RORA: variants seen among roughly 807,000 people sequenced by gnomAD.
RORA encodes the protein nuclear receptor ROR-alpha.
A neutral mutation model predicts 69.5 loss-of-function variants in RORA; 7 were observed. The ratio of observed to expected loss-of-function variants is 0.10; its 90% CI spans 0.06 to 0.19. RORA has a LOEUF of 0.19. RORA is among the 10% of genes least tolerant of loss of function. RORA has a pLI of 1.00. For missense variants in RORA, 457 were observed against 663.0 expected, an observed-to-expected ratio of 0.69 and a Z score of 3.41; for synonymous variants, 261 against 240.8, an observed-to-expected ratio of 1.08 and a Z score of -0.78.
At chr15:61,056,644 C>G (rs1434049847) in intron 1 of RORA, among the ~76,000 whole-genome samples, 4 of 152,040 alleles carry the variant, frequency 2.6e-5, no homozygotes, top group Non-Finnish European at 2.9e-5. Context: ...TTCTAGAAAT[C>G]AAAACAAATA....
At chr15:60,760,120 G>C (rs1283510696) in intron 1 of RORA, among the ~76,000 whole-genome samples, 2 of 151,748 alleles carry the variant, frequency 1.3e-5, no homozygotes, top group Non-Finnish European at 2.9e-5. Context: ...TACTTCATTA[G>C]AAGCTCTCTG....
intron 1 of RORA, among the ~76,000 whole-genome samples, chr15:60,907,639 A>G (rs1891583245): frequency 1.3e-5 from 2 of 152,140 alleles, no homozygotes; most frequent in Non-Finnish European, 1.5e-5. Context: ...GGACTCAGGC[A>G]CCCATGTTGT....
intron 2 of RORA, among the ~76,000 whole-genome samples, chr15:60,569,240 G>A (rs2067806968): frequency 7.1e-6 from 1 of 141,812 alleles, no homozygotes; most frequent in Admixed American, 7.4e-5. Context: ...CACATGGAGA[G>A]ACTCCATCTC....
At chr15:60,636,710 A>G (rs1441818014) in intron 2 of RORA, among the ~76,000 whole-genome samples, 1 of 152,218 alleles carries the variant, frequency 6.6e-6, no homozygotes, top group Admixed American at 6.5e-5. Flanking sequence ...AAAGAAGCCT[A>G]CAAAATATCA....
At chr15:60,979,889 C>A (rs1055998448) in intron 1 of RORA, among the ~76,000 whole-genome samples, 2 of 152,028 alleles carry the variant, frequency 1.3e-5, no homozygotes, top group African/African-American at 4.8e-5. Context: ...CATCTAATTG[C>A]CCTGGCTAAA....
At chr15:60,996,882 C>A (rs1376019062) in intron 1 of RORA, among the ~76,000 whole-genome samples, 1 of 151,588 alleles carries the variant, frequency 6.6e-6, no homozygotes, top group Non-Finnish European at 1.5e-5. Flanking sequence ...TGCACTCCAG[C>A]CTGGGAGACA....
chr15:61,060,242 C>T lies in RORA; in HGVS notation c.166+168811G>A, dbSNP rs139781931. ...TTCACACTTCTCAGGATCTCCACCA[C>T]GCCTAGTATCCTGCTGGGCCAAAGT... On this transcript the variant is annotated intron_variant, in intron 1 of 10. Coordinates refer to ENST00000335670, the MANE Select transcript of RORA (RefSeq NM_134261.3). Among the ~76,000 whole-genome samples, 1,150 of 152,332 alleles carry T rather than the reference C, an allele frequency of 7.5e-3. 8 individuals are homozygous for T. Among genetic ancestry groups the T allele is most frequent in the Admixed American group, 9.3e-3 (142 of 15,304 alleles).
chr15:61,012,220 A>G (rs1300999099), intron 1 of RORA, among the ~76,000 whole-genome samples: 1 of 152,266 alleles, frequency 6.6e-6, no homozygotes, highest in Non-Finnish European at 1.5e-5. Context: ...AATTAATTCA[A>G]GCATAGCATG....
chr15:61,151,565 C>T (rs1335533806), intron 1 of RORA, among the ~76,000 whole-genome samples: 6 of 152,194 alleles, frequency 3.9e-5, no homozygotes, highest in African/African-American at 1.4e-4. Flanking sequence ...CATTATAAAT[C>T]ATCTCATGAT....
intron 1 of RORA, among the ~76,000 whole-genome samples, chr15:61,181,972 T>C (rs1051347866): frequency 5.9e-5 from 9 of 152,234 alleles, no homozygotes; most frequent in Non-Finnish European, 1.3e-4. Flanking sequence ...GTATACCCTT[T>C]TGTGAGACTT....
At chr15:61,170,003 T>C (rs1408920553) in intron 1 of RORA, among the ~76,000 whole-genome samples, 1 of 152,176 alleles carries the variant, frequency 6.6e-6, no homozygotes, top group African/African-American at 2.4e-5. Flanking sequence ...TAAGCGTGTG[T>C]ACTAGAATTG....
intron 1 of RORA, among the ~76,000 whole-genome samples, chr15:60,717,796 CTTTTTTTTT>C: frequency 1.1e-5 from 1 of 91,994 alleles, no homozygotes; most frequent in East Asian, 3.9e-4. Context: ...TTCTTTTTCT[CTTTTTTTTT>C]TTTTTTTTTT....
chr15:60,963,799 G>C (rs534445052), intron 1 of RORA, among the ~76,000 whole-genome samples: 14 of 152,208 alleles, frequency 9.2e-5, no homozygotes, highest in Non-Finnish European at 1.9e-4. Context: ...TGGCTAACAT[G>C]AACAAGCTCA....
chr15:60,614,841 A>C, intron 2 of RORA: 1 of 1,418,844 alleles, frequency 7.0e-7, no homozygotes, highest in Non-Finnish European at 9.9e-7. Flanking sequence ...AGACACTGAC[A>C]TGCTTACATA....
chr15:60,816,734 TA>T (rs914977761), intron 1 of RORA, among the ~76,000 whole-genome samples: 12 of 129,478 alleles, frequency 9.3e-5, no homozygotes, highest in East Asian at 2.5e-4. Context: ...TAAAGTATAA[TA>T]AAAAAAATAA....
At chr15:60,812,525 C>A (rs1291990558) in intron 1 of RORA, among the ~76,000 whole-genome samples, 1 of 152,000 alleles carries the variant, frequency 6.6e-6, no homozygotes, top group Non-Finnish European at 1.5e-5. Flanking sequence ...ATAAATAAAT[C>A]AATAAATAAA....
At chr15:60,954,208 C>T (rs1316116881) in intron 1 of RORA, among the ~76,000 whole-genome samples, 152 of 139,156 alleles carry the variant, frequency 1.1e-3, no homozygotes, top group African/African-American at 4.0e-3. Flanking sequence ...AACCAAACAC[C>T]GCATATTCTC....
intron 2 of RORA, among the ~76,000 whole-genome samples, chr15:60,533,179 C>T (rs2066577756): frequency 6.6e-6 from 1 of 152,214 alleles, no homozygotes; most frequent in African/African-American, 2.4e-5. Context: ...GGGCCTAATA[C>T]AAGTACTGTG....
At position 61,128,204 on chromosome 15, in the gene RORA, C is replaced by T. The variant is rs1001670891; in HGVS notation, c.166+100849G>A. Among the ~76,000 whole-genome samples, 4 of 150,028 alleles carry T rather than the reference C, an allele frequency of 2.7e-5. No homozygotes were observed. The highest frequency in any genetic ancestry group is 2.0e-4 in the East Asian group (1 of 5,114). ...TAATTGCTGTGTGTGTGTATGCACACGTGTGTGTGTGTGTGTGTGTCTGTG... is the reference window on the plus strand; with the variant it reads ...TAATTGCTGTGTGTGTGTATGCACATGTGTGTGTGTGTGTGTGTGTCTGTG... On this transcript the variant is annotated intron_variant, in intron 1 of 10. Transcript: ENST00000335670. The surrounding 1 kb of genome is among the most constrained non-coding windows in gnomAD (Gnocchi z 4.5).
Sources: gnomAD v4.1 joint callset for allele counts (sites outside exome capture counted in the v4.1 genomes callset) on GRCh38, gnomAD v4.1.1 for gene constraint, Gnocchi (gnomAD v3.1) non-coding constraint, MANE v1.5 for transcripts, NCBI Gene and HGNC (gene_info 2026-07-23, HGNC 2026-07-21) for gene names.